Variants in KCND2 observed in about 807,000 individuals in gnomAD.
The protein encoded by KCND2 is A-type voltage-gated potassium channel KCND2.
In KCND2, 16 loss-of-function variants were observed where a neutral mutation model predicts 54.4. The ratio of observed to expected loss-of-function variants is 0.29; its 90% CI spans 0.20 to 0.45. The LOEUF is 0.45. Ranked by LOEUF, KCND2 falls within the 20% of genes least tolerant of loss-of-function variation. The pLI, the probability that KCND2 is intolerant of heterozygous loss-of-function variation, is 1.00. For missense variants in KCND2, 486 were observed against 824.2 expected (o/e 0.59, Z 5.02); for synonymous variants, 317 against 310.7 (o/e 1.02, Z -0.21).
chr7:120,724,257 TTCTACTCTCTCAGTTG>T, intron 1 of KCND2, among the ~76,000 whole-genome samples: 1 of 152,284 alleles, frequency 6.6e-6, no homozygotes, highest in Middle Eastern at 3.4e-3. Context: ...AAAAATCTAA[TTCTACTCTCTCAGTTG>T]CAAGTAGCAT....
At chr7:120,685,712 C>CA (rs11433907) in intron 1 of KCND2, among the ~76,000 whole-genome samples, 3,002 of 152,230 alleles carry the variant, frequency 0.02, 93 homozygotes, top group African/African-American at 0.067. Context: ...TTTTGTTTTA[C>CA]ATAAGGGAGA....
At chr7:120,607,218 C>T (rs1204352545) in intron 1 of KCND2, among the ~76,000 whole-genome samples, 1 of 151,662 alleles carries the variant, frequency 6.6e-6, no homozygotes, top group East Asian at 1.9e-4. Flanking sequence ...CTAAATGTTG[C>T]CCATATTGTT....
intron 1 of KCND2, among the ~76,000 whole-genome samples, chr7:120,601,428 A>G (rs902463618): frequency 6.6e-6 from 1 of 152,166 alleles, no homozygotes; most frequent in Non-Finnish European, 1.5e-5. Context: ...GGTGGAAGAA[A>G]GATCGAAAGG....
rs1013191911 is a variant in KCND2 at position 120,525,323 on chromosome 7, T to A, written c.1116-207580T>A. Among the ~76,000 whole-genome samples the A allele has an allele frequency of 1.1e-4, 17 of 152,294 alleles. No homozygotes were observed. The East Asian group carries it at 3.3e-3, about 29-fold the overall frequency. The stretch of plus-strand genomic sequence containing the variant: ...ATGTTTACATTCTAAGCCTAAGTCA[T>A]GAAGTATACCAGGGCATGCAACTTA... On this transcript the variant is annotated intron_variant, in intron 1 of 5. Coordinates refer to ENST00000331113, the MANE Select transcript of KCND2 (RefSeq NM_012281.3).
intron 1 of KCND2, among the ~76,000 whole-genome samples, chr7:120,506,760 G>T (rs1803028330): frequency 6.6e-6 from 1 of 151,792 alleles, no homozygotes; most frequent in South Asian, 2.1e-4. Flanking sequence ...GCAATACAAA[G>T]ATAACACTTT....
intron 1 of KCND2, among the ~76,000 whole-genome samples, chr7:120,525,170 C>G (rs1261922628): frequency 6.6e-6 from 1 of 152,066 alleles, no homozygotes; most frequent in Non-Finnish European, 1.5e-5. Flanking sequence ...AACTCTTTCC[C>G]CAAATGTTTG....
At chr7:120,433,836 AAAG>A (rs1584777140) in intron 1 of KCND2, among the ~76,000 whole-genome samples, 1 of 152,172 alleles carries the variant, frequency 6.6e-6, no homozygotes. Flanking sequence ...ACATGAAATA[AAAG>A]AAGTTTTAGG....
At chr7:120,464,356 G>C (rs1802336150) in intron 1 of KCND2, among the ~76,000 whole-genome samples, 1 of 152,016 alleles carries the variant, frequency 6.6e-6, no homozygotes, top group Admixed American at 6.6e-5. Context: ...CACAATATCT[G>C]TCTTTGGGGG....
At chr7:120,504,900 T>A (rs1423758440) in intron 1 of KCND2, among the ~76,000 whole-genome samples, 1 of 151,514 alleles carries the variant, frequency 6.6e-6, no homozygotes, top group Admixed American at 6.6e-5. Context: ...AGCACGTGAG[T>A]AGGTGGGTAA....
At chr7:120,576,130 GTCT>G (rs1174127702) in intron 1 of KCND2, among the ~76,000 whole-genome samples, 1 of 152,036 alleles carries the variant, frequency 6.6e-6, no homozygotes, top group Non-Finnish European at 1.5e-5. Flanking sequence ...TTTTGATATA[GTCT>G]TCTTCAGCAA....
At chr7:120,278,776 G>A (rs1471368767) in intron 1 of KCND2, among the ~76,000 whole-genome samples, 1 of 151,296 alleles carries the variant, frequency 6.6e-6, no homozygotes, top group African/African-American at 2.4e-5. Context: ...AAAAATGAAC[G>A]CTTTAAAAAT....
chr7:120,557,505 ATGC>A (rs1336171184), intron 1 of KCND2, among the ~76,000 whole-genome samples: 1 of 152,132 alleles, frequency 6.6e-6, no homozygotes, highest in African/African-American at 2.4e-5. Flanking sequence ...GCCTTTAATC[ATGC>A]TGTTGGGCCC....
chr7:120,409,544 C>T (rs1382765687), intron 1 of KCND2, among the ~76,000 whole-genome samples: 1 of 151,938 alleles, frequency 6.6e-6, no homozygotes, highest in Non-Finnish European at 1.5e-5. Context: ...GCTGTAACAT[C>T]CTTGCCCAAA....
chr7:120,563,179 C>A (rs964370268), intron 1 of KCND2, among the ~76,000 whole-genome samples: 3 of 151,982 alleles, frequency 2.0e-5, no homozygotes. Context: ...GCTTGATCAC[C>A]ATTAGACAAA....
chr7:120,661,817 G>A (rs1791869575), intron 1 of KCND2, among the ~76,000 whole-genome samples: 1 of 152,100 alleles, frequency 6.6e-6, no homozygotes, highest in Non-Finnish European at 1.5e-5. Flanking sequence ...TTGAAATAGT[G>A]CCTGGAATGT....
At chr7:120,526,532 T>C (rs1791776160) in intron 1 of KCND2, among the ~76,000 whole-genome samples, 1 of 152,122 alleles carries the variant, frequency 6.6e-6, no homozygotes, top group African/African-American at 2.4e-5. Context: ...TCCCATGCAC[T>C]CCAAAGGAGA....
At chr7:120,570,489 A>G (rs1351921040) in intron 1 of KCND2, among the ~76,000 whole-genome samples, 2 of 151,838 alleles carry the variant, frequency 1.3e-5, no homozygotes, top group African/African-American at 2.4e-5. Flanking sequence ...CTGCATATGT[A>G]TTGAACCTAT....
At chr7:120,521,872 G>GA (rs1360190835) in intron 1 of KCND2, among the ~76,000 whole-genome samples, 1 of 152,144 alleles carries the variant, frequency 6.6e-6, no homozygotes, top group Non-Finnish European at 1.5e-5. Flanking sequence ...TAGGTTGGGA[G>GA]AAAACTCTGT....
At chr7:120,425,042 T>A (rs1359417794) in intron 1 of KCND2, among the ~76,000 whole-genome samples, 2 of 152,352 alleles carry the variant, frequency 1.3e-5, no homozygotes, top group East Asian at 3.9e-4. Context: ...AACTTCAGAA[T>A]CATTTCTCTC....
Sources: gnomAD v4.1 joint callset for allele counts (sites outside exome capture counted in the v4.1 genomes callset) on GRCh38, gnomAD v4.1.1 for gene constraint, MANE v1.5 for transcripts, NCBI Gene and HGNC (gene_info 2026-07-23, HGNC 2026-07-21) for gene names.